Variants in BNIP3 observed in about 807,000 individuals in gnomAD.
The protein encoded by BNIP3 is BCL2 interacting protein 3, also known as BCL2/adenovirus E1B 19 kDa protein-interacting protein 3.
In BNIP3, 16 loss-of-function variants were observed where a neutral mutation model predicts 23.9. That is an observed-to-expected ratio of 0.67 (90% CI 0.45 to 1.01). The LOEUF is 1.01. Among genes scored for constraint, BNIP3 ranks in the 50% least tolerant of loss-of-function variants. The pLI is 0.00. For synonymous variants in BNIP3, 81 were observed against 89.3 expected (o/e 0.91, Z 0.53); for missense variants, 198 against 248.7 (o/e 0.80, Z 1.37).
rs45521833 is a variant in BNIP3 at position 131,977,132 on chromosome 10, C to T, written c.47-3189G>A. ...TACTAAAAATACAAAATTAGCTGGG[C>T]GTGGTGGGCGCCTGTAATCCCAGCT... On this transcript the variant is annotated intron_variant, in intron 1 of 5. Coordinates refer to ENST00000368636, the MANE Select transcript of BNIP3 (RefSeq NM_004052.4). Among the ~76,000 whole-genome samples the T allele has an allele frequency of 3.9e-5, 6 of 151,962 alleles. No homozygotes were observed. In the East Asian group the frequency reaches 7.8e-4, roughly 20 times the overall value.
chr10:131,979,595 G>A (rs1264904018), intron 1 of BNIP3, among the ~76,000 whole-genome samples: 1 of 152,092 alleles, frequency 6.6e-6, no homozygotes. Context: ...TAGGAGAAAA[G>A]GGCCAAGTTC....
At chr10:131,981,377 C>A in intron 1 of BNIP3, 1 of 299,164 alleles carries the variant, frequency 3.3e-6, no homozygotes, top group Non-Finnish European at 6.2e-6. Flanking sequence ...AAAACCAATA[C>A]TGGTCTGAAC....
At chr10:131,974,955 A>G (rs2037068197) in intron 1 of BNIP3, among the ~76,000 whole-genome samples, 1 of 152,226 alleles carries the variant, frequency 6.6e-6, no homozygotes, top group South Asian at 2.1e-4. Context: ...TATTCTAGAT[A>G]TATGTTTTTC....
chr10:131,981,706 C>T, intron 1 of BNIP3, 55 bp downstream of exon 1: 3 of 1,454,146 alleles, frequency 2.1e-6, no homozygotes, highest in South Asian at 2.7e-5. Flanking sequence ...TCTTGGCCTT[C>T]CCCAGGCTTC....
chr10:131,975,143 T>C (rs768241054), intron 1 of BNIP3, among the ~76,000 whole-genome samples: 10 of 152,224 alleles, frequency 6.6e-5, no homozygotes, highest in Non-Finnish European at 1.3e-4. Flanking sequence ...CAGTCACATT[T>C]AGATCCAAAA....
intron 5 of BNIP3, 137 bp from the exon 6 acceptor site, chr10:131,968,706 G>T: frequency 1.6e-6 from 1 of 632,582 alleles, no homozygotes; most frequent in Non-Finnish European, 2.8e-6. Flanking sequence ...TAAAAATTTT[G>T]TAATGAATCT....
At position 131,981,356 on chromosome 10, in the gene BNIP3, G is replaced by A. The variant is rs2379210; in HGVS notation, c.46+405C>T. The A allele has an allele frequency of 1.1e-5, 3 of 265,448 alleles. No homozygotes were observed. The Admixed American group carries it at 1.6e-4, about 14-fold the overall frequency. The allele number at this position is 265,448 out of a possible 1,614,324, so 16.4% of individuals were successfully genotyped here. A position where few individuals can be genotyped will look rare whatever the true frequency, so the allele number is the denominator to read the frequency against. ...AACAGGCCACTTGCCACGCCTTGGTGTTTGGTCATTAAAACCAATACTGGT... is the reference window on the plus strand; with the variant it reads ...AACAGGCCACTTGCCACGCCTTGGTATTTGGTCATTAAAACCAATACTGGT... On this transcript the variant is annotated intron_variant, in intron 1 of 5. Coordinates refer to ENST00000368636, the MANE Select transcript of BNIP3 (RefSeq NM_004052.4).
intron 1 of BNIP3, among the ~76,000 whole-genome samples, chr10:131,977,368 T>G (rs9419390): frequency 0.14 from 21,400 of 152,224 alleles, 1,632 homozygotes; most frequent in African/African-American, 0.18. Flanking sequence ...TACTGTAATC[T>G]ATCACACAAG....
Position 131,973,641 on chromosome 10 carries a change from A to G in BNIP3, c.197+152T>C, listed in dbSNP as rs928160664. The G allele has an allele frequency of 5.9e-6, 6 of 1,014,010 alleles. No homozygotes were observed. In the African/African-American group the frequency reaches 8.1e-5, roughly 14 times the overall value. The allele number at this position is 1,014,010 out of a possible 1,614,324, so 62.8% of individuals were successfully genotyped here. A position where few individuals can be genotyped will look rare whatever the true frequency, so the allele number is the denominator to read the frequency against. ...CCCAAAGAGGGCGAGGCTCCTATAT[A>G]AGGACGGACTGCAGCAGGAGCCAGT... On this transcript the variant is annotated intron_variant, in intron 2 of 5. Coordinates refer to ENST00000368636, the MANE Select transcript of BNIP3 (RefSeq NM_004052.4).
rs2037020475 is a variant in BNIP3 at position 131,970,556 on chromosome 10, A to C, written c.539+82T>G. ...TGTAACTGATGATCTGGACTTCAGG[A>C]AACAGGTTACGAATAAATCACTGCA... On this transcript the variant is annotated intron_variant, in intron 5 of 5. Transcript: ENST00000368636. This position sits in a 1 kb window ranked among gnomAD's most constrained non-coding sequence, Gnocchi z 4.1. 2.6e-6 allele frequency: 4 copies of C among 1,517,064 alleles called. No individual in the cohort carries two copies. The highest frequency in any genetic ancestry group is 3.6e-6 in the Non-Finnish European group (4 of 1,121,202). 94.0% of individuals were successfully genotyped at this position (1,517,064 alleles called of 1,614,324 possible). A position where few individuals can be genotyped will look rare whatever the true frequency, so the allele number is the denominator to read the frequency against.
rs375499617 is a variant in BNIP3 at position 131,981,845 on chromosome 10, G to A, written c.-39C>T. The A allele has an allele frequency of 4.0e-5, 57 of 1,420,590 alleles. No homozygotes were observed. In the Admixed American group the frequency reaches 1.7e-3, roughly 42 times the overall value. 88.0% of individuals were successfully genotyped at this position (1,420,590 alleles called of 1,614,324 possible). ...AACTGCGGCGATCGGAGTCCGCGCCGGGCTGCGGGATGTGCTTCAGCTGCG... is the reference window on the plus strand; with the variant it reads ...AACTGCGGCGATCGGAGTCCGCGCCAGGCTGCGGGATGTGCTTCAGCTGCG... On this transcript the variant is annotated 5_prime_UTR_variant, in exon 1 of 6. Transcript: ENST00000368636.
chr10:131,971,073 G>T, intron 3 of BNIP3, 103 bp from the exon 4 acceptor site: 1 of 1,051,378 alleles, frequency 9.5e-7, no homozygotes, highest in Non-Finnish European at 1.4e-6. Flanking sequence ...CAATTCAAGA[G>T]CCCAGAGGCA....
chr10:131,968,554 C>G lies in BNIP3; in HGVS notation c.555G>C (p.Arg185Ser), dbSNP rs1358758811. 1 of 1,601,822 alleles carries G rather than the reference C, an allele frequency of 6.2e-7. No homozygotes were observed. The highest frequency in any genetic ancestry group is 1.3e-5 in the African/African-American group (1 of 74,624). Residue 185 changes from arginine (R) to serine (S), a missense_variant, in exon 6 of 6, where the codon AGG becomes AGC. Arg to Ser is a moderately radical substitution (Grantham distance 110). Coordinates refer to ENST00000368636, the MANE Select transcript of BNIP3 (RefSeq NM_004052.4). ...LAIGLGIYIG[R>S]RLTTSTSTF The stretch of plus-strand genomic sequence containing the variant: ...AGGTGCTGGTGGAGGTTGTCAGACG[C>G]CTTCCAATATAGATCCTTCACAGAA...
In BNIP3 at chr10:131,967,972, T is replaced by C. The variant is rs2036986569; in HGVS notation, c.*552A>G. The C allele has an allele frequency of 6.5e-6, 1 of 152,672 alleles. No individual in the cohort carries two copies. Among genetic ancestry groups the C allele is most frequent in the Admixed American group, 6.5e-5 (1 of 15,318 alleles). 9.5% of individuals were successfully genotyped at this position (152,672 alleles called of 1,614,324 possible). ...AACTGTACAGCTGAGTTTGTAGCTC[T>C]ATCTTGGTTTCTGTTGATTATGAAC... On this transcript the variant is annotated 3_prime_UTR_variant, in exon 6 of 6. Coordinates refer to ENST00000368636, the MANE Select transcript of BNIP3 (RefSeq NM_004052.4).
In BNIP3 at chr10:131,970,451, TG is replaced by T; in HGVS notation, c.539+186del. On this transcript the variant is annotated intron_variant, in intron 5 of 5. Transcript: ENST00000368636. This position sits in a 1 kb window ranked among gnomAD's most constrained non-coding sequence, Gnocchi z 4.1. ...CAGCAGCACCACAGGGCGCCTGTGC[TG>T]GGGCCTTTGGGGGCTGCAGGCTGGT... is the stretch of plus-strand genomic sequence containing the variant. 1 of 813,306 alleles carries T rather than the reference TG, an allele frequency of 1.2e-6. No homozygotes were observed. The highest frequency in any genetic ancestry group is 1.9e-6 in the Non-Finnish European group (1 of 531,674). 50.4% of individuals were successfully genotyped at this position (813,306 alleles called of 1,614,324 possible). A position where few individuals can be genotyped will look rare whatever the true frequency, so the allele number is the denominator to read the frequency against.
At chr10:131,971,803 C>T (rs1443065525) in intron 3 of BNIP3, among the ~76,000 whole-genome samples, 1 of 152,222 alleles carries the variant, frequency 6.6e-6, no homozygotes, top group Non-Finnish European at 1.5e-5. Context: ...GCCAGGGCTC[C>T]TGGGGCTCCC....
intron 1 of BNIP3, chr10:131,980,119 A>C (rs1001216292): frequency 7.2e-5 from 11 of 152,240 alleles, no homozygotes; most frequent in African/African-American, 2.4e-4. Flanking sequence ...GAAAAACAAA[A>C]ATCTCGTAAC....
chr10:131,980,551 T>G (rs2037111497), intron 1 of BNIP3: 2 of 144,960 alleles, frequency 1.4e-5, no homozygotes, highest in Admixed American at 1.4e-4. Context: ...CAGACCAGCC[T>G]GGGCAACACA....
chr10:131,979,708 G>A (rs2037104414), intron 1 of BNIP3, among the ~76,000 whole-genome samples: 1 of 152,180 alleles, frequency 6.6e-6, no homozygotes, highest in African/African-American at 2.4e-5. Flanking sequence ...AGCATCCTGC[G>A]AGTCAACAAC....
Sources: gnomAD v4.1 joint callset for allele counts (sites outside exome capture counted in the v4.1 genomes callset) on GRCh38, gnomAD v4.1.1 for gene constraint, Gnocchi (gnomAD v3.1) non-coding constraint, MANE v1.5 for transcripts, NCBI Gene and HGNC (gene_info 2026-07-23, HGNC 2026-07-21) for gene names.